Variants in PCSK5 observed in about 807,000 individuals in gnomAD.
The protein encoded by PCSK5 is prohormone convertase 5.
A neutral mutation model predicts 233.2 loss-of-function variants in PCSK5; 129 were observed. The observed-to-expected ratio is 0.55, with a 90% CI of 0.48 to 0.64. The LOEUF is 0.64. Ranked by LOEUF, PCSK5 falls within the 30% of genes least tolerant of loss-of-function variation. PCSK5 has a pLI of 0.00. For missense variants in PCSK5, 2,076 were observed against 2,430.1 expected, an observed-to-expected ratio of 0.85 and a Z score of 3.06; for synonymous variants, 825 against 879.2, an observed-to-expected ratio of 0.94 and a Z score of 1.09.
intron 1 of PCSK5, among the ~76,000 whole-genome samples, chr9:75,921,046 GA>G (rs1823235614): frequency 6.6e-6 from 1 of 152,044 alleles, no homozygotes; most frequent in Admixed American, 6.6e-5. Context: ...AGTTGTTAGA[GA>G]TTTTTTTCAT....
chr9:76,182,171 A>G (rs1040150429), intron 16 of PCSK5, among the ~76,000 whole-genome samples: 8 of 152,208 alleles, frequency 5.3e-5, no homozygotes, highest in South Asian at 2.1e-4. Context: ...CCAAAATTCA[A>G]GTTCCCAGAT....
chr9:76,257,048 T>C (rs559404728), intron 24 of PCSK5, among the ~76,000 whole-genome samples: 1 of 152,334 alleles, frequency 6.6e-6, no homozygotes, highest in South Asian at 2.1e-4. Context: ...TTTAATTTGC[T>C]TTCTCTCTAC....
At chr9:76,230,169 G>A (rs554499130) in intron 21 of PCSK5, among the ~76,000 whole-genome samples, 3 of 152,260 alleles carry the variant, frequency 2.0e-5, no homozygotes, top group Admixed American at 2.0e-4. Flanking sequence ...TTGGGGGGAG[G>A]TTGGAGAATG....
chr9:76,351,634 G>A lies in PCSK5; in HGVS notation c.5067+706G>A, dbSNP rs569883022. ...AGAAAAAGAAAGAGAAAGAAAGAGA[G>A]AGAAAGAAGAAAGAAAGAGAGAGAG... On this transcript the variant is annotated intron_variant, in intron 36 of 37. Coordinates refer to ENST00000674117, the MANE Select transcript of PCSK5 (RefSeq NM_001372043.1). Among the ~76,000 whole-genome samples, 381 of 143,092 alleles carry A rather than the reference G, an allele frequency of 2.7e-3. 20 individuals carry two copies. Among genetic ancestry groups the A allele is most frequent in the Admixed American group, 7.9e-3 (104 of 13,176 alleles). 93.9% of individuals were successfully genotyped at this position (143,092 alleles called of 152,430 possible).
At chr9:75,989,087 G>T (rs1373176428) in intron 3 of PCSK5, among the ~76,000 whole-genome samples, 1 of 152,158 alleles carries the variant, frequency 6.6e-6, no homozygotes, top group African/African-American at 2.4e-5. Flanking sequence ...TGGGAAACAG[G>T]TTCCATACCT....
chr9:75,898,357 T>C (rs1825895164), intron 1 of PCSK5, among the ~76,000 whole-genome samples: 1 of 152,314 alleles, frequency 6.6e-6, no homozygotes, highest in East Asian at 1.9e-4. Flanking sequence ...GTTTCTCCTT[T>C]TCCCTCAGAA....
chr9:76,354,153 C>G lies in PCSK5; in HGVS notation c.5188C>G (p.Leu1730Val). The G allele has an allele frequency of 3.8e-6, 6 of 1,594,650 alleles. No individual in the cohort carries two copies. The highest frequency in any genetic ancestry group is 4.5e-5 in the East Asian group (2 of 44,000). Residue 1730 changes from leucine to valine, a missense_variant, in exon 37 of 38, where the codon CTC becomes GTC. Around this residue, in one of 6 missense-constraint regions of PCSK5, gnomAD observed 1,510 missense variants for 1,538.1 expected, o/e 0.98. Transcript: ENST00000674117. ...GCTGCACATGGACGACAGCCACTGC[C>G]TCCACTGCTGCAACACCTCTGATCC... Reference protein sequence around the residue: ...LVLHMDDSHCLHCCNTSDPPS... With the variant: ...LVLHMDDSHCVHCCNTSDPPS...
chr9:76,070,239 A>T (rs1284976326), intron 6 of PCSK5, among the ~76,000 whole-genome samples: 1 of 152,054 alleles, frequency 6.6e-6, no homozygotes, highest in African/African-American at 2.4e-5. Flanking sequence ...TGACCTCGTG[A>T]TCCACCCGCC....
intron 5 of PCSK5, among the ~76,000 whole-genome samples, chr9:76,052,709 CA>C (rs1829674332): frequency 6.6e-6 from 1 of 152,162 alleles, no homozygotes; most frequent in Non-Finnish European, 1.5e-5. Flanking sequence ...TATGCCTTCC[CA>C]GCAGTCCTTC....
chr9:76,216,725 A>G (rs553595186), intron 20 of PCSK5, among the ~76,000 whole-genome samples: 84 of 152,330 alleles, frequency 5.5e-4, no homozygotes, highest in Non-Finnish European at 1.0e-3. Context: ...TGCCTGGTTG[A>G]CTTCTTAAAA....
At chr9:76,266,273 G>T (rs895779488) in intron 24 of PCSK5, among the ~76,000 whole-genome samples, 3 of 152,126 alleles carry the variant, frequency 2.0e-5, no homozygotes, top group Non-Finnish European at 4.4e-5. Context: ...CTTCAAAAAA[G>T]TGGCAAAGCT....
intron 20 of PCSK5, among the ~76,000 whole-genome samples, chr9:76,216,481 G>A (rs1445346209): frequency 3.3e-5 from 5 of 152,158 alleles, no homozygotes; most frequent in Non-Finnish European, 7.3e-5. Flanking sequence ...GTGAAGATCA[G>A]TGAGTGTCAC....
rs1823757735 is a variant in PCSK5, at chr9:76,179,599, C to A, written c.1904C>A (p.Pro635His). 1.2e-6 allele frequency: 2 copies of A among 1,611,886 alleles called. No homozygotes were observed. Among genetic ancestry groups the A allele is most frequent in the Admixed American group, 3.3e-5 (2 of 59,966 alleles). Residue 635 changes from proline to histidine, a missense_variant, in exon 15 of 38, where the codon CCC becomes CAC. Transcript: ENST00000674117. ...TGTTCTAATGTCTTTTGGAAAGGTC[C>A]CTGCGACCCTGAGTGCAGTGAGGTT... ...DDYGTEDYAG[P>H]CDPECSEVGC...
chr9:76,080,189 C>G (rs1431012755), intron 7 of PCSK5, among the ~76,000 whole-genome samples: 1 of 152,138 alleles, frequency 6.6e-6, no homozygotes, highest in Non-Finnish European at 1.5e-5. Flanking sequence ...GGACTCCACC[C>G]CAGCAATCCA....
At chr9:76,202,179 G>A (rs1423445549) in intron 20 of PCSK5, among the ~76,000 whole-genome samples, 1 of 152,158 alleles carries the variant, frequency 6.6e-6, no homozygotes, top group East Asian at 1.9e-4. Flanking sequence ...TCCCACATCA[G>A]ATCCAACACC....
chr9:76,257,014 T>C (rs974452841), intron 24 of PCSK5, among the ~76,000 whole-genome samples: 1 of 152,228 alleles, frequency 6.6e-6, no homozygotes, highest in South Asian at 2.1e-4. Context: ...ACCAAGAGGC[T>C]CTATTGTGAA....
Position 76,274,064 on chromosome 9 carries a change from A to T in PCSK5, c.3143-18169A>T, listed in dbSNP as rs545978200. ...TCAGTTATCTCTTCGGAACTTTGACATTTTTTAGCCCTTCTCATTTTAACC... is the reference window on the plus strand; with the variant it reads ...TCAGTTATCTCTTCGGAACTTTGACTTTTTTTAGCCCTTCTCATTTTAACC... On this transcript the variant is annotated intron_variant, in intron 24 of 37. Transcript: ENST00000674117. Among the ~76,000 whole-genome samples, 9 of 151,618 alleles carry T rather than the reference A, an allele frequency of 5.9e-5. No homozygotes were observed. The East Asian group carries it at 1.6e-3, about 26-fold the overall frequency.
intron 1 of PCSK5, among the ~76,000 whole-genome samples, chr9:75,912,023 A>G (rs938624078): frequency 2.0e-5 from 3 of 152,172 alleles, no homozygotes; most frequent in Non-Finnish European, 4.4e-5. Flanking sequence ...AATCAAATGA[A>G]TAAGAAACAA....
intron 7 of PCSK5, among the ~76,000 whole-genome samples, chr9:76,089,509 T>A (rs1258216427): frequency 1.3e-5 from 2 of 152,204 alleles, no homozygotes; most frequent in Non-Finnish European, 2.9e-5. Flanking sequence ...TAGTGCTATC[T>A]ACTTTGCTGA....
Sources: allele counts gnomAD v4.1 joint callset (sites outside exome capture counted in the v4.1 genomes callset), GRCh38; gene constraint gnomAD v4.1.1; regional missense constraint gnomAD v4.1.1; transcripts MANE v1.5; gene names NCBI Gene and HGNC (gene_info 2026-07-23, HGNC 2026-07-21).